Variants in HYCC1 observed in about 807,000 individuals in gnomAD.
HYCC1 encodes hyccin PI4KA lipid kinase complex subunit 1, also known as hyccin.
the HYCC1 span, among the ~76,000 whole-genome samples, chr7:22,929,463 C>G: frequency 6.6e-6 from 1 of 152,080 alleles, no homozygotes; most frequent in Non-Finnish European, 1.5e-5. Flanking sequence ...GGCTAATATC[C>G]AGAATCTACA....
chr7:22,950,788 A>G, the HYCC1 span, among the ~76,000 whole-genome samples: 1 of 151,920 alleles, frequency 6.6e-6, no homozygotes, highest in Non-Finnish European at 1.5e-5. Flanking sequence ...AGAAAATTAT[A>G]TAGAAGATGC....
the HYCC1 span, among the ~76,000 whole-genome samples, chr7:22,992,611 T>C: frequency 2.0e-5 from 3 of 152,250 alleles, no homozygotes; most frequent in East Asian, 5.8e-4. Context: ...ACTGTGAGTT[T>C]CATAACCAAT....
At chr7:22,900,604 TA>T in the HYCC1 span, among the ~76,000 whole-genome samples, 1 of 152,098 alleles carries the variant, frequency 6.6e-6, no homozygotes, top group Non-Finnish European at 1.5e-5. Context: ...GAGCAATCAT[TA>T]AAATAGCAAT....
the HYCC1 span, among the ~76,000 whole-genome samples, chr7:22,930,572 C>T: frequency 1.3e-5 from 2 of 151,876 alleles, no homozygotes; most frequent in South Asian, 2.1e-4. Context: ...AACAATACCC[C>T]ATAATTTCTT....
At chr7:22,942,763 C>T in the HYCC1 span, 2 of 152,090 alleles carry the variant, frequency 1.3e-5, no homozygotes, top group South Asian at 2.1e-4. Flanking sequence ...AAAGCTACCC[C>T]AATTTTCAAA....
the HYCC1 span, among the ~76,000 whole-genome samples, chr7:22,922,448 T>C: frequency 6.6e-6 from 1 of 152,218 alleles, no homozygotes; most frequent in Admixed American, 6.5e-5. Context: ...CTCAGACCAC[T>C]TACGTTAGCA....
the HYCC1 span, chr7:22,964,538 A>G: frequency 3.4e-6 from 5 of 1,474,338 alleles, no homozygotes; most frequent in Admixed American, 8.4e-5. Flanking sequence ...GATTCTAGAA[A>G]AACCAAAATA....
At chr7:22,962,025 C>G in the HYCC1 span, among the ~76,000 whole-genome samples, 125 of 152,006 alleles carry the variant, frequency 8.2e-4, no homozygotes, top group African/African-American at 2.9e-3. Context: ...GCAAGCGAGG[C>G]CTAAAAACTG....
chr7:22,909,377 G>A, the HYCC1 span, among the ~76,000 whole-genome samples: 1 of 152,134 alleles, frequency 6.6e-6, no homozygotes, highest in African/African-American at 2.4e-5. Flanking sequence ...ATAAGCAGAT[G>A]CTGGCACTAT....
At chr7:22,970,176 A>T in the HYCC1 span, among the ~76,000 whole-genome samples, 1 of 152,248 alleles carries the variant, frequency 6.6e-6, no homozygotes, top group African/African-American at 2.4e-5. Context: ...AGCTACTTGT[A>T]AGGAAATAAG....
the HYCC1 span, among the ~76,000 whole-genome samples, chr7:23,005,027 G>A: frequency 9.9e-5 from 15 of 152,052 alleles, no homozygotes; most frequent in Admixed American, 7.9e-4. Flanking sequence ...GGATGGTCTC[G>A]ATCTCCTGAC....
chr7:22,973,409 A>G, the HYCC1 span, among the ~76,000 whole-genome samples: 1 of 152,236 alleles, frequency 6.6e-6, no homozygotes, highest in Admixed American at 6.5e-5. Context: ...ACTGGATTTT[A>G]TCATTGAGAA....
chr7:23,009,295 T>C, the HYCC1 span, among the ~76,000 whole-genome samples: 1 of 152,112 alleles, frequency 6.6e-6, no homozygotes, highest in Non-Finnish European at 1.5e-5. Context: ...TAAGAAACTA[T>C]AGAATGTTTA....
At chr7:23,005,043 G>A in the HYCC1 span, among the ~76,000 whole-genome samples, 3 of 152,124 alleles carry the variant, frequency 2.0e-5, no homozygotes, top group Non-Finnish European at 2.9e-5. Context: ...CTGACCTCGC[G>A]ATCCGCCCGC....
chr7:22,961,845 G>A, the HYCC1 span, among the ~76,000 whole-genome samples: 14 of 151,956 alleles, frequency 9.2e-5, no homozygotes, highest in East Asian at 2.3e-3. Context: ...GCATGTGTGT[G>A]TGTGTCTGTG....
the HYCC1 span, among the ~76,000 whole-genome samples, chr7:22,964,190 G>C: frequency 6.6e-6 from 1 of 151,644 alleles, no homozygotes; most frequent in Non-Finnish European, 1.5e-5. Context: ...TAAGAAAGAT[G>C]ATGAAGTGTT....
the HYCC1 span, chr7:22,943,463 A>AT: frequency 6.6e-6 from 1 of 152,274 alleles, no homozygotes; most frequent in South Asian, 2.1e-4. Flanking sequence ...GATAATGCCA[A>AT]TCCTACTTAC....
chr7:22,947,008 T>C, the HYCC1 span: 1 of 1,549,866 alleles, frequency 6.5e-7, no homozygotes, highest in East Asian at 2.4e-5. Context: ...GGTGAGTTTA[T>C]TCCATCCTCC....
the HYCC1 span, among the ~76,000 whole-genome samples, chr7:22,989,546 G>C: frequency 6.6e-6 from 1 of 151,678 alleles, no homozygotes; most frequent in African/African-American, 2.4e-5. Flanking sequence ...TTTGGAGAGA[G>C]GGGGTCTTGC....
Sources: allele counts gnomAD v4.1 joint callset (sites outside exome capture counted in the v4.1 genomes callset), GRCh38; gene constraint gnomAD v4.1.1; transcripts MANE v1.5; gene names NCBI Gene and HGNC (gene_info 2026-07-23, HGNC 2026-07-21).